Variants in CAPN7 observed in about 807,000 individuals in gnomAD.
CAPN7 encodes the protein calpain 7.
Under a neutral mutation model 115.2 loss-of-function variants are expected in CAPN7, and 72 were observed. The observed-to-expected ratio is 0.63, with a 90% CI of 0.52 to 0.76. CAPN7 has a LOEUF of 0.76. Ranked by LOEUF, CAPN7 falls within the 30% of genes least tolerant of loss-of-function variation. CAPN7 has a pLI of 0.00. For synonymous variants in CAPN7, 344 were observed against 322.3 expected (o/e 1.07, Z -0.72); for missense variants, 905 against 971.5 (o/e 0.93, Z 0.91).
At chr3:15,237,328 A>G (rs984565505) in intron 12 of CAPN7, among the ~76,000 whole-genome samples, 1 of 152,220 alleles carries the variant, frequency 6.6e-6, no homozygotes, top group African/African-American at 2.4e-5. Context: ...GATTATCAGG[A>G]TGTCAATTGG....
intron 2 of CAPN7, among the ~76,000 whole-genome samples, chr3:15,217,112 T>C (rs1693661937): frequency 6.6e-6 from 1 of 150,978 alleles, no homozygotes; most frequent in African/African-American, 2.4e-5. Flanking sequence ...CCAGGCATGG[T>C]GGTACACTCC....
At chr3:15,212,068 C>T in intron 1 of CAPN7, 36 bp from the exon 2 acceptor site, 1 of 1,313,264 alleles carries the variant, frequency 7.6e-7, no homozygotes, top group Non-Finnish European at 1.1e-6. Context: ...AGTTGTAATA[C>T]ATCTATTGGA....
At chr3:15,232,065 A>G (rs575002650) in intron 9 of CAPN7, 1 of 321,628 alleles carries the variant, frequency 3.1e-6, no homozygotes, top group Admixed American at 4.7e-5. Flanking sequence ...TTGGGACCAG[A>G]AGTGTTTTGG....
intron 4 of CAPN7, among the ~76,000 whole-genome samples, chr3:15,219,889 G>T (rs1693862217): frequency 6.6e-6 from 1 of 152,084 alleles, no homozygotes; most frequent in Non-Finnish European, 1.5e-5. Flanking sequence ...ACTTCTCACA[G>T]GGGCAACATT....
At chr3:15,228,876 T>G in intron 7 of CAPN7, 98 bp from the exon 8 acceptor site, 1 of 847,634 alleles carries the variant, frequency 1.2e-6, no homozygotes, top group Non-Finnish European at 1.9e-6. Flanking sequence ...AAAAGATATT[T>G]AGTATAAAAA....
At chr3:15,229,478 AAT>A (rs1327473454) in intron 8 of CAPN7, among the ~76,000 whole-genome samples, 1 of 152,044 alleles carries the variant, frequency 6.6e-6, no homozygotes, top group Non-Finnish European at 1.5e-5. Flanking sequence ...AAAATTGCAA[AAT>A]ATCTCATTTT....
rs568419364 is a variant in CAPN7 at position 15,231,836 on chromosome 3, C to G, written c.1033-683C>G. On this transcript the variant is annotated intron_variant, in intron 9 of 20. Transcript: ENST00000253693. Reference sequence around the variant, plus strand: ...AGCCACCGCGCCCAGCCTCAGATCACTTTTTAATATGAATTAGATACTGTA... The same window carrying G: ...AGCCACCGCGCCCAGCCTCAGATCAGTTTTTAATATGAATTAGATACTGTA... Among the ~76,000 whole-genome samples, 26 of 152,214 alleles carry G rather than the reference C, an allele frequency of 1.7e-4. No homozygotes were observed. In the East Asian group the frequency reaches 4.6e-3, roughly 27 times the overall value.
chr3:15,232,399 T>C, intron 9 of CAPN7, 120 bp from the exon 10 acceptor site: 1 of 700,020 alleles, frequency 1.4e-6, no homozygotes, highest in Non-Finnish European at 2.3e-6. Flanking sequence ...ATTACCTTAA[T>C]AGCCGTCAGC....
chr3:15,250,732 G>A (rs1559415626), intron 19 of CAPN7, among the ~76,000 whole-genome samples, 199 bp from the exon 20 acceptor site: 2 of 152,164 alleles, frequency 1.3e-5, no homozygotes, highest in African/African-American at 4.8e-5. Context: ...CTTAAAGTAA[G>A]TTTAATCTGG....
chr3:15,222,506 A>T (rs1694062422), intron 5 of CAPN7, among the ~76,000 whole-genome samples: 1 of 152,194 alleles, frequency 6.6e-6, no homozygotes, highest in Admixed American at 6.5e-5. Context: ...GCCATCTGAG[A>T]GCATTTTTCT....
Position 15,252,131 on chromosome 3 carries a change from G to A in CAPN7, c.*871G>A, listed in dbSNP as rs1305514310. ...AAAAAAAGTGAATTGCCAAGATACT[G>A]GTGTCATGTAAATTCCCACTTTACA... On this transcript the variant is annotated 3_prime_UTR_variant, in exon 21 of 21. Transcript: ENST00000253693. 2 of 152,496 alleles carry A rather than the reference G, an allele frequency of 1.3e-5. No individual in the cohort carries two copies. Among genetic ancestry groups the A allele is most frequent in the African/African-American group, 4.8e-5 (2 of 41,392 alleles). The allele number at this position is 152,496 out of a possible 1,614,324, so 9.4% of individuals were successfully genotyped here. A position where few individuals can be genotyped will look rare whatever the true frequency, so the allele number is the denominator to read the frequency against.
chr3:15,247,199 GGA>G (rs1695713095), intron 18 of CAPN7, 126 bp from the exon 19 acceptor site: 1 of 664,272 alleles, frequency 1.5e-6, no homozygotes. Flanking sequence ...AATAAAGATG[GGA>G]GAGAGGGGTT....
chr3:15,214,825 T>G (rs2045152939), intron 2 of CAPN7, among the ~76,000 whole-genome samples: 1 of 152,242 alleles, frequency 6.6e-6, no homozygotes, highest in Non-Finnish European at 1.5e-5. Flanking sequence ...AATCTTAGAC[T>G]AGATCAATGG....
In CAPN7 at chr3:15,225,971, G is replaced by A. The variant is rs180891880; in HGVS notation, c.726-1868G>A. 1.2e-3 allele frequency among the ~76,000 whole-genome samples: 180 copies of A among 152,202 alleles called. 2 individuals are homozygous for A. The highest frequency in any genetic ancestry group is 0.011 in the Admixed American group (175 of 15,292). On this transcript the variant is annotated intron_variant, in intron 6 of 20. Transcript: ENST00000253693. The stretch of plus-strand genomic sequence containing the variant: ...GAAAAGGCTCCAGAATTTATCTTTC[G>A]CTAGAGAGATTGAATTATTTTTTAA...
At chr3:15,211,968 A>G (rs1289867496) in intron 1 of CAPN7, 136 bp from the exon 2 acceptor site, 2 of 475,620 alleles carry the variant, frequency 4.2e-6, no homozygotes, top group Non-Finnish European at 7.5e-6. Flanking sequence ...ACTTTATGAA[A>G]AAAATTACTA....
Position 15,217,299 on chromosome 3 carries a change from C to A in CAPN7, c.212-126C>A. Reference sequence around the variant, plus strand: ...TGTCCTTTTTTAAGGATTTTTTTAACCTTGCTAAGTTTTTTAAATGAAGAA... The same window carrying A: ...TGTCCTTTTTTAAGGATTTTTTTAAACTTGCTAAGTTTTTTAAATGAAGAA... On this transcript the variant is annotated intron_variant, in intron 2 of 20. Coordinates refer to ENST00000253693, the MANE Select transcript of CAPN7 (RefSeq NM_014296.3). 1.1e-5 allele frequency: 9 copies of A among 790,162 alleles called. No homozygotes were observed. In the South Asian group the frequency reaches 1.2e-4, roughly 10 times the overall value. 48.9% of individuals were successfully genotyped at this position (790,162 alleles called of 1,614,324 possible). A position where few individuals can be genotyped will look rare whatever the true frequency, so the allele number is the denominator to read the frequency against.
At chr3:15,226,236 G>A (rs977658836) in intron 6 of CAPN7, among the ~76,000 whole-genome samples, 5 of 151,772 alleles carry the variant, frequency 3.3e-5, no homozygotes, top group African/African-American at 9.7e-5. Context: ...CCACACGCCC[G>A]ACTAATTTTG....
chr3:15,207,556 CT>C (rs1399596660), intron 1 of CAPN7, among the ~76,000 whole-genome samples: 3 of 152,022 alleles, frequency 2.0e-5, no homozygotes, highest in African/African-American at 7.2e-5. Flanking sequence ...AACTTTTTAA[CT>C]CTTTTGTAAT....
chr3:15,225,392 AT>A lies in CAPN7; in HGVS notation c.725+1833del, dbSNP rs545025948. On this transcript the variant is annotated intron_variant, in intron 6 of 20. Coordinates refer to ENST00000253693, the MANE Select transcript of CAPN7 (RefSeq NM_014296.3). ...GTTATTCTGGTATTTTCTTGACAAT[AT>A]TCAAATAGAGATGTAAACTTATCAT... is the stretch of plus-strand genomic sequence containing the variant. 3.1e-3 allele frequency among the ~76,000 whole-genome samples: 468 copies of A among 152,338 alleles called. 2 individuals are homozygous for A. Among genetic ancestry groups the A allele is most frequent in the Non-Finnish European group, 5.1e-3 (347 of 68,018 alleles).
Sources: allele counts gnomAD v4.1 joint callset (sites outside exome capture counted in the v4.1 genomes callset), GRCh38; gene constraint gnomAD v4.1.1; transcripts MANE v1.5; gene names NCBI Gene and HGNC (gene_info 2026-07-23, HGNC 2026-07-21).